The following KIAA1217 variants were observed in gnomAD, a reference collection of about 807,000 sequenced individuals.
The protein encoded by KIAA1217 is KIAA1217, also known as sickle tail protein homolog.
In KIAA1217, 88 loss-of-function variants were observed where a neutral mutation model predicts 163.9. The observed-to-expected ratio is 0.54, with a 90% CI of 0.45 to 0.64. The LOEUF (loss-of-function observed/expected upper bound fraction) is 0.64. Ranked by LOEUF, KIAA1217 falls within the 30% of genes least tolerant of loss-of-function variation. KIAA1217 has a pLI of 0.00. For synonymous variants in KIAA1217, 903 were observed against 923.1 expected (o/e 0.98, Z 0.39); for missense variants, 2,372 against 2,475.0 (o/e 0.96, Z 0.88).
chr10:24,283,437 T>C (rs147163361), intron 2 of KIAA1217, among the ~76,000 whole-genome samples: 1,648 of 152,204 alleles, frequency 0.011, 31 homozygotes, highest in East Asian at 0.084. Flanking sequence ...GAGGCCAAGG[T>C]GAGCAGATCA....
At chr10:24,249,929 C>T (rs2131474788) in intron 2 of KIAA1217, among the ~76,000 whole-genome samples, 1 of 152,280 alleles carries the variant, frequency 6.6e-6, no homozygotes, top group African/African-American at 2.4e-5. Flanking sequence ...GATTTCCAAA[C>T]ACGACTATCA....
chr10:24,377,559 C>T (rs7070814), intron 2 of KIAA1217, among the ~76,000 whole-genome samples: 26,118 of 151,946 alleles, frequency 0.17, 2,709 homozygotes, highest in East Asian at 0.37. Flanking sequence ...TTGCTTCCCC[C>T]TTTTTTGGTA....
At chr10:24,142,143 G>A (rs1193618045) in intron 2 of KIAA1217, among the ~76,000 whole-genome samples, 2 of 150,950 alleles carry the variant, frequency 1.3e-5, no homozygotes, top group African/African-American at 2.4e-5. Context: ...GTTCAATTCA[G>A]GCATTAGATT....
Position 23,840,160 on chromosome 10 carries a change from C to T in KIAA1217, c.-321+144926C>T, listed in dbSNP as rs866601939. ...TTCCAATGCTCTTGTAATTACGCTT[C>T]TTTTTTTTTTTTGAGAGGAAGTTTT... On this transcript the variant is annotated intron_variant, in intron 1 of 18. Transcript: ENST00000376462. Among the ~76,000 whole-genome samples the T allele has an allele frequency of 4.9e-3, 707 of 145,196 alleles. 10 individuals carry two copies. The highest frequency in any genetic ancestry group is 0.016 in the African/African-American group (636 of 39,832).
At chr10:24,293,623 C>G (rs565919770) in intron 2 of KIAA1217, among the ~76,000 whole-genome samples, 1 of 152,360 alleles carries the variant, frequency 6.6e-6, no homozygotes, top group South Asian at 2.1e-4. Flanking sequence ...CTGCCCTGAG[C>G]ATTCCCCTTT....
At chr10:23,791,609 C>T (rs978169143) in intron 1 of KIAA1217, among the ~76,000 whole-genome samples, 8 of 152,080 alleles carry the variant, frequency 5.3e-5, no homozygotes, top group African/African-American at 1.9e-4. Context: ...AGTTTAAGTA[C>T]CGCTTTTGTG....
At position 24,293,566 on chromosome 10, in the gene KIAA1217, C is replaced by A. The variant is rs555481517; in HGVS notation, c.354+73657C>A. 2.2e-3 allele frequency among the ~76,000 whole-genome samples: 334 copies of A among 152,268 alleles called. 3 individuals are homozygous for A. The highest frequency in any genetic ancestry group is 7.9e-3 in the African/African-American group (327 of 41,538). ...CAGGGATGGCTGTTGGGCTTGGCAG[C>A]CGTCAGGCTGAGAGTGACTCAGCTT... On this transcript the variant is annotated intron_variant, in intron 2 of 20. Transcript: ENST00000376454.
At chr10:24,291,374 C>A (rs1415511248) in intron 2 of KIAA1217, among the ~76,000 whole-genome samples, 4 of 152,182 alleles carry the variant, frequency 2.6e-5, no homozygotes, top group African/African-American at 9.6e-5. Flanking sequence ...ACTAAAAATA[C>A]AAAAAAGTAG....
intron 2 of KIAA1217, among the ~76,000 whole-genome samples, chr10:24,117,923 A>G (rs2063123897): frequency 6.6e-6 from 1 of 152,170 alleles, no homozygotes; most frequent in African/African-American, 2.4e-5. Context: ...GAATGCACTC[A>G]CAAAATGCAT....
In KIAA1217 at chr10:24,211,386, T is replaced by G. The variant is rs1589934700; in HGVS notation, c.70+2123T>G. On this transcript the variant is annotated intron_variant, in intron 1 of 20. Coordinates refer to ENST00000376454, the MANE Select transcript of KIAA1217 (RefSeq NM_019590.5). ...CTTTTTTTTTTTTTTTTTTTTTTTT[T>G]TTTTAGAGAGGGTCTCATTTGTCAC... Among the ~76,000 whole-genome samples, 8 of 145,708 alleles carry G rather than the reference T, an allele frequency of 5.5e-5. 1 individual carries two copies. The South Asian group carries it at 1.8e-3, about 33-fold the overall frequency.
At chr10:24,375,799 G>C (rs2052399569) in intron 2 of KIAA1217, among the ~76,000 whole-genome samples, 1 of 152,180 alleles carries the variant, frequency 6.6e-6, no homozygotes, top group Non-Finnish European at 1.5e-5. Context: ...TTTCACAATA[G>C]AACGTAATCT....
chr10:23,778,887 C>T (rs964866433), intron 1 of KIAA1217, among the ~76,000 whole-genome samples: 1 of 152,114 alleles, frequency 6.6e-6, no homozygotes, highest in Non-Finnish European at 1.5e-5. Flanking sequence ...GATTCAGTCT[C>T]CCCTATATGT....
intron 13 of KIAA1217, among the ~76,000 whole-genome samples, chr10:24,526,999 A>C (rs948231801): frequency 8.5e-5 from 13 of 152,162 alleles, no homozygotes; most frequent in Non-Finnish European, 2.9e-5. Context: ...TCTTGGTGTG[A>C]ATTTCCACTC....
At chr10:24,052,975 A>G (rs2131585251) in intron 2 of KIAA1217, among the ~76,000 whole-genome samples, 1 of 152,214 alleles carries the variant, frequency 6.6e-6, no homozygotes, top group Non-Finnish European at 1.5e-5. Flanking sequence ...GGAAATCTAG[A>G]CAAAAGAAGA....
At chr10:24,190,945 G>A (rs1420834091) in intron 2 of KIAA1217, among the ~76,000 whole-genome samples, 3 of 151,962 alleles carry the variant, frequency 2.0e-5, no homozygotes, top group Non-Finnish European at 2.9e-5. Flanking sequence ...TGTAATCCCA[G>A]CACTTTGGGA....
intron 2 of KIAA1217, among the ~76,000 whole-genome samples, chr10:24,047,754 A>G (rs1849145647): frequency 6.6e-6 from 1 of 152,130 alleles, no homozygotes; most frequent in Admixed American, 6.5e-5. Flanking sequence ...GTCCACCTCT[A>G]TATTAATACT....
chr10:24,119,428 C>T (rs2063190388), intron 2 of KIAA1217, among the ~76,000 whole-genome samples: 1 of 149,986 alleles, frequency 6.7e-6, no homozygotes, highest in Admixed American at 6.7e-5. Context: ...GCCATGAAAT[C>T]ATATTGCAAA....
chr10:24,141,229 C>G (rs12264244), intron 2 of KIAA1217, among the ~76,000 whole-genome samples: 3 of 120,840 alleles, frequency 2.5e-5, no homozygotes, highest in Admixed American at 8.2e-5. Context: ...GAATAAACCC[C>G]CCCCCCCCAT....
chr10:23,888,326 C>T (rs1841271685), intron 1 of KIAA1217, among the ~76,000 whole-genome samples: 1 of 151,922 alleles, frequency 6.6e-6, no homozygotes, highest in Admixed American at 6.6e-5. Context: ...TCAGGATAGA[C>T]ATTGGTTCAA....
Sources: allele counts gnomAD v4.1 joint callset (sites outside exome capture counted in the v4.1 genomes callset), GRCh38; gene constraint gnomAD v4.1.1; transcripts MANE v1.5; gene names NCBI Gene and HGNC (gene_info 2026-07-23, HGNC 2026-07-21).